ORC6: variants seen among roughly 807,000 people sequenced by gnomAD.
ORC6 encodes the protein origin recognition complex subunit 6.
Under a neutral mutation model 30.0 loss-of-function variants are expected in ORC6, and 31 were observed. The observed-to-expected ratio is 1.03, with a 90% CI of 0.78 to 1.40. The LOEUF is 1.40. Ranked by LOEUF, ORC6 falls within the 40% of genes most tolerant of loss-of-function variation. The pLI is 0.00. For missense variants in ORC6, 340 were observed against 304.3 expected, an observed-to-expected ratio of 1.12 and a Z score of -0.87; for synonymous variants, 136 against 111.2, an observed-to-expected ratio of 1.22 and a Z score of -1.40.
chr16:46,690,753 T>G lies in ORC6; in HGVS notation c.66-238T>G, dbSNP rs190745036. 163 of 566,492 alleles carry G rather than the reference T, an allele frequency of 2.9e-4. 1 individual carries two copies. The Admixed American group carries it at 4.2e-3, about 15-fold the overall frequency. 35.1% of individuals were successfully genotyped at this position (566,492 alleles called of 1,614,324 possible). ...AATGGAAGGAGGAAAGAAGGGTAATTTTTTTGTCAAAATTTAACTTCCTTT... is the reference window on the plus strand; with the variant it reads ...AATGGAAGGAGGAAAGAAGGGTAATGTTTTTGTCAAAATTTAACTTCCTTT... On this transcript the variant is annotated intron_variant, in intron 1 of 6. Transcript: ENST00000219097.
intron 1 of ORC6, 31 bp downstream of exon 1, chr16:46,689,801 G>A: frequency 6.4e-7 from 1 of 1,563,994 alleles, no homozygotes. Flanking sequence ...CCAGGGCTGG[G>A]CTTCCGCCTC....
chr16:46,694,533 CG>C, intron 4 of ORC6: 1 of 126,008 alleles, frequency 7.9e-6, no homozygotes, highest in Non-Finnish European at 1.7e-5. Flanking sequence ...GCTGGCCGGG[CG>C]GGGGGCTGAC....
intron 6 of ORC6, 74 bp downstream of exon 6, chr16:46,696,159 C>T (rs1966515746): frequency 2.9e-6 from 3 of 1,043,500 alleles, no homozygotes. Flanking sequence ...TAGCAGCTTG[C>T]CTGACAGGAG....
rs1371267172 is a variant in ORC6 at position 46,692,548 on chromosome 16, A to G, written c.359+3A>G. The G allele has an allele frequency of 5.6e-6, 9 of 1,612,112 alleles. No homozygotes were observed. The highest frequency in any genetic ancestry group is 7.6e-6 in the Non-Finnish European group (9 of 1,178,392). On this transcript the variant is annotated splice_donor_region_variant and intron_variant, in intron 3 of 6. Transcript: ENST00000219097. ...ATGGCTTCAAAGATACTAAAAAGGT[A>G]TGGGGCATAGAGAACCTTAATTGAA...
rs1241248281 is a variant in ORC6 at position 46,697,883 on chromosome 16, G to A, written c.*298G>A. 1 of 475,276 alleles carries A rather than the reference G, an allele frequency of 2.1e-6. No homozygotes were observed. The highest frequency in any genetic ancestry group is 4.1e-6 in the Non-Finnish European group (1 of 240,984). The allele number at this position is 475,276 out of a possible 1,614,324, so 29.4% of individuals were successfully genotyped here. ...TAATCCCAGCACTTTGGGAGGCCAA[G>A]GTGGGTGGATCACCTGAGGTCAGGA... is the stretch of plus-strand genomic sequence containing the variant. On this transcript the variant is annotated 3_prime_UTR_variant, in exon 7 of 7. Transcript: ENST00000219097.
In ORC6 at chr16:46,697,737, G is replaced by A; in HGVS notation, c.*152G>A. The A allele has an allele frequency of 1.2e-6, 1 of 831,678 alleles. No homozygotes were observed. The highest frequency in any genetic ancestry group is 2.0e-6 in the Non-Finnish European group (1 of 496,722). 51.5% of individuals were successfully genotyped at this position (831,678 alleles called of 1,614,324 possible). On this transcript the variant is annotated 3_prime_UTR_variant, in exon 7 of 7. Coordinates refer to ENST00000219097, the MANE Select transcript of ORC6 (RefSeq NM_014321.4). ...GCAAAGCAGCCTACCTGGAGGCTAA[G>A]TCTGGGCAGTGGGCTGGCCCCTGGT...
At position 46,690,987 on chromosome 16, in the gene ORC6, C is replaced by G; in HGVS notation, c.66-4C>G. 1 of 1,614,168 alleles carries G rather than the reference C, an allele frequency of 6.2e-7. No individual in the cohort carries two copies. The highest frequency in any genetic ancestry group is 8.5e-7 in the Non-Finnish European group (1 of 1,180,010). ...TGTAGCGAACACACTGCCCTTTTAA[C>G]CAGGAAAGCAGAGGAGTACTTGCGC... On this transcript the variant is annotated splice_polypyrimidine_tract_variant and splice_region_variant and intron_variant, in intron 1 of 6. Transcript: ENST00000219097.
At chr16:46,692,079 T>A (rs1014658859) in intron 2 of ORC6, among the ~76,000 whole-genome samples, 1 of 151,994 alleles carries the variant, frequency 6.6e-6, no homozygotes, top group Non-Finnish European at 1.5e-5. Flanking sequence ...TAACCATCTG[T>A]GTGTTTCCTG....
rs1567274512 is a variant in ORC6, at chr16:46,693,856, T to TTA, written c.449+675_449+676insAT. ...ATTTTTTTTATTTTTATTTTTATTT[T>TTA]TTTTTTTTTAATTTATTTTTTTTTT... On this transcript the variant is annotated intron_variant, in intron 4 of 6. Coordinates refer to ENST00000219097, the MANE Select transcript of ORC6 (RefSeq NM_014321.4). 311 of 107,042 alleles carry TTA rather than the reference T, an allele frequency of 2.9e-3. 5 individuals carry two copies. The highest frequency in any genetic ancestry group is 8.4e-3 in the African/African-American group (298 of 35,314). The allele number at this position is 107,042 out of a possible 1,614,324, so 6.6% of individuals were successfully genotyped here.
chr16:46,695,712 A>C (rs748260755), intron 5 of ORC6, 38 bp downstream of exon 5: 5 of 1,323,042 alleles, frequency 3.8e-6, no homozygotes, highest in Non-Finnish European at 4.4e-6. Context: ...TCATTTGAAA[A>C]TGTAGTCCTT....
chr16:46,694,601 C>T (rs1966497479), intron 4 of ORC6: 1 of 132,540 alleles, frequency 7.5e-6, no homozygotes, highest in African/African-American at 2.8e-5. Flanking sequence ...TCCTCACTTC[C>T]CAGTAGGGGC....
chr16:46,689,843 C>T, intron 1 of ORC6, 73 bp downstream of exon 1: 1 of 1,473,940 alleles, frequency 6.8e-7, no homozygotes, highest in South Asian at 1.3e-5. Context: ...AGGCCCGCGC[C>T]CTTCCCAGGC....
In ORC6 at chr16:46,693,116, C is replaced by G; in HGVS notation, c.383C>G (p.Thr128Arg). 6.2e-7 allele frequency: 1 copy of G among 1,611,656 alleles called. No homozygotes were observed. The highest frequency in any genetic ancestry group is 1.1e-5 in the South Asian group (1 of 91,038). The change falls in exon 4 of 7, where the codon ACA (threonine) becomes AGA (arginine). Residue 128 changes from threonine to arginine, a missense_variant. Coordinates refer to ENST00000219097, the MANE Select transcript of ORC6 (RefSeq NM_014321.4). Reference sequence around the variant, plus strand: ...AGCTATGAGTCCAGTCTTCCCCAGACACAGCAAGTGGATCTTGACTTATCC... The same window carrying G: ...AGCTATGAGTCCAGTCTTCCCCAGAGACAGCAAGTGGATCTTGACTTATCC... ...LKSYESSLPQ[T>R]QQVDLDLSRP...
At chr16:46,690,918 G>T (rs1010666504) in intron 1 of ORC6, 73 bp from the exon 2 acceptor site, 2 of 1,513,804 alleles carry the variant, frequency 1.3e-6, no homozygotes, top group Non-Finnish European at 1.8e-6. Flanking sequence ...TAACCAGGCT[G>T]TATTCATTGT....
At position 46,698,183 on chromosome 16, in the gene ORC6, G is replaced by GGATAGATAGATA. The variant is rs60635029; in HGVS notation, c.*619_*630dup. 0.038 allele frequency: 16,272 copies of GGATAGATAGATA among 430,136 alleles called. 520 individuals are homozygous for GGATAGATAGATA. Among genetic ancestry groups the GGATAGATAGATA allele is most frequent in the African/African-American group, 0.11 (5,240 of 47,714 alleles). The allele number at this position is 430,136 out of a possible 1,614,324, so 26.6% of individuals were successfully genotyped here. A position where few individuals can be genotyped will look rare whatever the true frequency, so the allele number is the denominator to read the frequency against. On this transcript the variant is annotated 3_prime_UTR_variant, in exon 7 of 7. Transcript: ENST00000219097. ...CTTATAGATAGATAGATAGATAGAT[G>GGATAGATAGATA]GATAGATAGATAGATAGATAGATAG...
intron 2 of ORC6, among the ~76,000 whole-genome samples, chr16:46,691,958 A>ACACACTCACTCTCTCTCTCTCTCTCT: frequency 2.7e-5 from 1 of 36,664 alleles, no homozygotes; most frequent in Non-Finnish European, 5.1e-5. Flanking sequence ...ACACACACAC[A>ACACACTCACTCTCTCTCTCTCTCTCT]CTCTCTCTCT....
intron 2 of ORC6, 140 bp from the exon 3 acceptor site, chr16:46,692,242 G>A (rs1966453810): frequency 6.0e-6 from 4 of 668,942 alleles, no homozygotes; most frequent in South Asian, 1.7e-5. Context: ...TTGACTAAAT[G>A]AAGCTAAACC....
chr16:46,693,218 A>G (rs769820134), intron 4 of ORC6, 36 bp downstream of exon 4: 2 of 1,387,000 alleles, frequency 1.4e-6, no homozygotes, highest in African/African-American at 1.4e-5. Flanking sequence ...AAAGTTACCA[A>G]TTTACAAGTG....
chr16:46,690,148 G>A (rs1966416384), intron 1 of ORC6, among the ~76,000 whole-genome samples: 1 of 152,232 alleles, frequency 6.6e-6, no homozygotes, highest in Non-Finnish European at 1.5e-5. Flanking sequence ...GACCTTAACC[G>A]GGCAATGCTC....
Sources: allele counts gnomAD v4.1 joint callset (sites outside exome capture counted in the v4.1 genomes callset), GRCh38; gene constraint gnomAD v4.1.1; transcripts MANE v1.5; gene names NCBI Gene and HGNC (gene_info 2026-07-23, HGNC 2026-07-21).